Variants in ASB18 observed in about 807,000 individuals in gnomAD.
ASB18 encodes ankyrin repeat and SOCS box containing 18, also known as ankyrin repeat and SOCS box protein 18.
Under a neutral mutation model 33.4 loss-of-function variants are expected in ASB18, and 33 were observed. That is an observed-to-expected ratio of 0.99 (90% CI 0.75 to 1.32). The LOEUF (loss-of-function observed/expected upper bound fraction) is 1.32, where lower values mean the gene tolerates loss of function less well. Among genes scored for constraint, ASB18 ranks in the 40% most tolerant of loss-of-function variants. ASB18 has a pLI of 0.00. For missense variants in ASB18, 694 were observed against 655.5 expected (o/e 1.06, Z -0.64); for synonymous variants, 295 against 307.6 (o/e 0.96, Z 0.43).
In ASB18 at chr2:236,205,923, T is replaced by A. The variant is rs2106265227; in HGVS notation, c.1101+8439A>T. ...ATGAATAGCCTGTTTTCTGCTTAAA[T>A]ACTTTGCCAGATTTTTCCATGTCTT... is the stretch of plus-strand genomic sequence containing the variant. On this transcript the variant is annotated intron_variant, in intron 4 of 5. Transcript: ENST00000409749. This position sits in a 1 kb window ranked among gnomAD's most constrained non-coding sequence, Gnocchi z 5.4. 6.6e-6 allele frequency among the ~76,000 whole-genome samples: 1 copy of A among 152,342 alleles called. No individual in the cohort carries two copies. Among genetic ancestry groups the A allele is most frequent in the East Asian group, 1.9e-4 (1 of 5,186 alleles).
chr2:236,196,436 TCA>T lies in ASB18; in HGVS notation c.1102-53_1102-52del. ...GCGTAGGCCGACTGGGTTCTGGGTC[TCA>T]GTGGGGAAAGGGTGGGGGGTGTGGG... is the stretch of plus-strand genomic sequence containing the variant. On this transcript the variant is annotated intron_variant, in intron 4 of 5. Coordinates refer to ENST00000409749, the MANE Select transcript of ASB18 (RefSeq NM_212556.4). The surrounding 1 kb of genome is among the most constrained non-coding windows in gnomAD (Gnocchi z 5.6). 1 of 949,132 alleles carries T rather than the reference TCA, an allele frequency of 1.1e-6. No individual in the cohort carries two copies. The highest frequency in any genetic ancestry group is 1.7e-6 in the Non-Finnish European group (1 of 602,210). The allele number at this position is 949,132 out of a possible 1,614,324, so 58.8% of individuals were successfully genotyped here.
rs1430402617 is a variant in ASB18 at position 236,195,123 on chromosome 2, C to T, written c.1216-66G>A. ...GAACCAACATACGTTTTCTTCTTAG[C>T]CAGACCACTGATGGTACAAGCGGGC... On this transcript the variant is annotated intron_variant, in intron 5 of 5. Coordinates refer to ENST00000409749, the MANE Select transcript of ASB18 (RefSeq NM_212556.4). This position sits in a 1 kb window ranked among gnomAD's most constrained non-coding sequence, Gnocchi z 5.5. 3.5e-6 allele frequency: 5 copies of T among 1,443,006 alleles called. No individual in the cohort carries two copies. The African/African-American group carries it at 4.2e-5, about 12-fold the overall frequency. The allele number at this position is 1,443,006 out of a possible 1,614,324, so 89.4% of individuals were successfully genotyped here. A position where few individuals can be genotyped will look rare whatever the true frequency, so the allele number is the denominator to read the frequency against.
chr2:236,261,183 G>A (rs1439539971), intron 1 of ASB18, among the ~76,000 whole-genome samples: 1 of 152,118 alleles, frequency 6.6e-6, no homozygotes, highest in Non-Finnish European at 1.5e-5. Context: ...TGAAAATGAG[G>A]AAATTAAGGT....
Position 236,217,743 on chromosome 2 carries a change from G to T in ASB18, c.597-2877C>A, listed in dbSNP as rs918050737. ...TTTGGATTGTCTCGTTTCTACATCA[G>T]CAGTGTCTTGAGAAGTGGTCTGTCT... On this transcript the variant is annotated intron_variant, in intron 3 of 5. Coordinates refer to ENST00000409749, the MANE Select transcript of ASB18 (RefSeq NM_212556.4). The surrounding 1 kb of genome is among the most constrained non-coding windows in gnomAD (Gnocchi z 5.2). Among the ~76,000 whole-genome samples the T allele has an allele frequency of 1.3e-5, 2 of 152,176 alleles. No homozygotes were observed. The highest frequency in any genetic ancestry group is 2.9e-5 in the Non-Finnish European group (2 of 68,044).
chr2:236,243,836 C>G (rs1019803124), intron 1 of ASB18, among the ~76,000 whole-genome samples: 1 of 151,602 alleles, frequency 6.6e-6, no homozygotes, highest in African/African-American at 2.4e-5. Flanking sequence ...CAATTCCTTC[C>G]TTTTTTTTGA....
chr2:236,253,717 G>A lies in ASB18; in HGVS notation c.205+10424C>T, dbSNP rs2060679254. 1 of 151,948 alleles carries A rather than the reference G, an allele frequency of 6.6e-6. No homozygotes were observed. The highest frequency in any genetic ancestry group is 6.6e-5 in the Admixed American group (1 of 15,242). The allele number at this position is 151,948 out of a possible 1,614,324, so 9.4% of individuals were successfully genotyped here. ...TCTCTTTCAAAATACAATGAAATTA[G>A]TTACCGGCAAAAATAAAACCGAAAA... On this transcript the variant is annotated intron_variant, in intron 1 of 5. Coordinates refer to ENST00000409749, the MANE Select transcript of ASB18 (RefSeq NM_212556.4). The surrounding 1 kb of genome is among the most constrained non-coding windows in gnomAD (Gnocchi z 5.4).
At chr2:236,247,599 G>T in intron 1 of ASB18, 1 of 152,198 alleles carries the variant, frequency 6.6e-6, no homozygotes, top group East Asian at 1.9e-4. Flanking sequence ...AGCTTGCTTG[G>T]GTCAAGTCAT....
chr2:236,215,043 AT>A lies in ASB18; in HGVS notation c.597-178del, dbSNP rs2060481732. ...TGGAAAAAAAAAAAAAAAAAAAGAG[AT>A]TATGGCAAAACCAGCTCCTGAGTGG... On this transcript the variant is annotated intron_variant, in intron 3 of 5. Coordinates refer to ENST00000409749, the MANE Select transcript of ASB18 (RefSeq NM_212556.4). The surrounding 1 kb of genome is among the most constrained non-coding windows in gnomAD (Gnocchi z 7.2). Among the ~76,000 whole-genome samples, 1 of 149,936 alleles carries A rather than the reference AT, an allele frequency of 6.7e-6. No homozygotes were observed.
In ASB18 at chr2:236,237,379, CG is replaced by C. The variant is rs1400126941; in HGVS notation, c.596+309del. 6.1e-3 allele frequency among the ~76,000 whole-genome samples: 352 copies of C among 58,078 alleles called. 16 individuals carry two copies. The highest frequency in any genetic ancestry group is 0.042 in the African/African-American group (291 of 6,934). 38.1% of individuals were successfully genotyped at this position (58,078 alleles called of 152,430 possible). A position where few individuals can be genotyped will look rare whatever the true frequency, so the allele number is the denominator to read the frequency against. On this transcript the variant is annotated intron_variant, in intron 3 of 5. Coordinates refer to ENST00000409749, the MANE Select transcript of ASB18 (RefSeq NM_212556.4). The surrounding 1 kb of genome is among the most constrained non-coding windows in gnomAD (Gnocchi z 6.2). The stretch of plus-strand genomic sequence containing the variant: ...CGCGGGGCGGGGGCCGGGGCCGGGG[CG>C]CGGGGCGGGGGCCGGGGCCGGGGCG...
Position 236,262,885 on chromosome 2 carries a change from G to GC in ASB18, c.205+1255_205+1256insG, listed in dbSNP as rs368543624. On this transcript the variant is annotated intron_variant, in intron 1 of 5. Coordinates refer to ENST00000409749, the MANE Select transcript of ASB18 (RefSeq NM_212556.4). This position sits in a 1 kb window ranked among gnomAD's most constrained non-coding sequence, Gnocchi z 5.2. Reference sequence around the variant, plus strand: ...GCCCAGAAAGTAGACCCAAACCAAGGGGGGGGGGCGGACCCCCTCGGAAGT... The same window carrying GC: ...GCCCAGAAAGTAGACCCAAACCAAGGCGGGGGGGGCGGACCCCCTCGGAAGT... 4.2e-5 allele frequency among the ~76,000 whole-genome samples: 2 copies of GC among 47,916 alleles called. No individual in the cohort carries two copies. The highest frequency in any genetic ancestry group is 1.4e-4 in the African/African-American group (2 of 14,112). 31.4% of individuals were successfully genotyped at this position (47,916 alleles called of 152,430 possible). A position where few individuals can be genotyped will look rare whatever the true frequency, so the allele number is the denominator to read the frequency against.
rs1407619417 is a variant in ASB18, at chr2:236,259,636, C to T, written c.205+4505G>A. The T allele has an allele frequency of 2.1e-6, 1 of 468,850 alleles. No homozygotes were observed. Among genetic ancestry groups the T allele is most frequent in the Non-Finnish European group, 4.4e-6 (1 of 225,806 alleles). The allele number at this position is 468,850 out of a possible 1,614,324, so 29.0% of individuals were successfully genotyped here. ...AGGTGCAGCCCTGGCTGGGAGGATC[C>T]TGTTGGGATGGGGATGCTGACTGTA... On this transcript the variant is annotated intron_variant, in intron 1 of 5. Transcript: ENST00000409749. This position sits in a 1 kb window ranked among gnomAD's most constrained non-coding sequence, Gnocchi z 4.4.
In ASB18 at chr2:236,225,457, A is replaced by G. The variant is rs981808079; in HGVS notation, c.597-10591T>C. Among the ~76,000 whole-genome samples, 3 of 152,256 alleles carry G rather than the reference A, an allele frequency of 2.0e-5. No individual in the cohort carries two copies. The highest frequency in any genetic ancestry group is 2.1e-4 in the South Asian group (1 of 4,834). ...TGAATTAACACACCTGGGACAAAAAAGTAAACTTGCATGCTTTTCATTAAT... is the reference window on the plus strand; with the variant it reads ...TGAATTAACACACCTGGGACAAAAAGGTAAACTTGCATGCTTTTCATTAAT... On this transcript the variant is annotated intron_variant, in intron 3 of 5. Transcript: ENST00000409749. This position sits in a 1 kb window ranked among gnomAD's most constrained non-coding sequence, Gnocchi z 5.1.
rs998275311 is a variant in ASB18, at chr2:236,257,995, G to T, written c.205+6146C>A. ...TGCCAATTCCTCCTTCTTTGCCTCC[G>T]TGTAGGACCAGTTTCAGTTTGAACA... On this transcript the variant is annotated intron_variant, in intron 1 of 5. Coordinates refer to ENST00000409749, the MANE Select transcript of ASB18 (RefSeq NM_212556.4). The surrounding 1 kb of genome is among the most constrained non-coding windows in gnomAD (Gnocchi z 5.5). 2.0e-5 allele frequency among the ~76,000 whole-genome samples: 3 copies of T among 152,206 alleles called. No individual in the cohort carries two copies. The highest frequency in any genetic ancestry group is 2.0e-4 in the Admixed American group (3 of 15,286).
intron 3 of ASB18, among the ~76,000 whole-genome samples, chr2:236,230,085 A>T (rs2060557604): frequency 6.6e-6 from 1 of 152,094 alleles, no homozygotes; most frequent in South Asian, 2.1e-4. Flanking sequence ...GGGCCATTAA[A>T]ACAGTTGTTA....
Position 236,214,486 on chromosome 2 carries a change from C to T in ASB18, c.977G>A (p.Gly326Glu). 1 of 1,511,562 alleles carries T rather than the reference C, an allele frequency of 6.6e-7. No individual in the cohort carries two copies. Among genetic ancestry groups the T allele is most frequent in the Non-Finnish European group, 8.8e-7 (1 of 1,137,802 alleles). 93.6% of individuals were successfully genotyped at this position (1,511,562 alleles called of 1,614,324 possible). A position where few individuals can be genotyped will look rare whatever the true frequency, so the allele number is the denominator to read the frequency against. ...GADAGALDYG[G>E]ASPLGRVLQT... ...GAGCACGCGGCCCAGCGGCGAGGCCCCGCCATAGTCGAGCGCGCCCGCGTC... is the reference window on the plus strand; with the variant it reads ...GAGCACGCGGCCCAGCGGCGAGGCCTCGCCATAGTCGAGCGCGCCCGCGTC... The change falls in exon 4 of 6, where the codon GGG becomes GAG. Residue 326 changes from glycine to glutamate, a missense_variant. Gly to Glu is a moderately conservative substitution (Grantham distance 98, BLOSUM62 -2). Transcript: ENST00000409749. The surrounding 1 kb of genome is among the most constrained non-coding windows in gnomAD (Gnocchi z 6.5).
Position 236,237,277 on chromosome 2 carries a change from T to C in ASB18, c.596+412A>G, listed in dbSNP as rs2060596617. On this transcript the variant is annotated intron_variant, in intron 3 of 5. Transcript: ENST00000409749. This position sits in a 1 kb window ranked among gnomAD's most constrained non-coding sequence, Gnocchi z 6.2. ...GGCGGCTGGGCTGTGATCACCGCGC[T>C]CATTACCTCGGCGTGGCGCCTCCCG... Among the ~76,000 whole-genome samples the C allele has an allele frequency of 6.6e-6, 1 of 151,828 alleles. No individual in the cohort carries two copies. Among genetic ancestry groups the C allele is most frequent in the East Asian group, 1.9e-4 (1 of 5,170 alleles).
chr2:236,199,129 A>G (rs2060387230), intron 4 of ASB18, among the ~76,000 whole-genome samples: 1 of 152,194 alleles, frequency 6.6e-6, no homozygotes, highest in Admixed American at 6.5e-5. Context: ...AAGATTTTCC[A>G]GGTCGGAAGT....
chr2:236,202,814 T>TATATATATAAACACACAC (rs1472095135), intron 4 of ASB18, among the ~76,000 whole-genome samples: 1 of 126,576 alleles, frequency 7.9e-6, no homozygotes, highest in Non-Finnish European at 1.6e-5. Flanking sequence ...TATATATATA[T>TATATATATAAACACACAC]ACACACACCT....
At position 236,249,004 on chromosome 2, in the gene ASB18, T is replaced by C. The variant is rs138125834; in HGVS notation, c.206-7602A>G. The C allele has an allele frequency of 4.7e-4, 72 of 152,334 alleles. No homozygotes were observed. The highest frequency in any genetic ancestry group is 3.4e-3 in the Middle Eastern group (1 of 294). The allele number at this position is 152,334 out of a possible 1,614,324, so 9.4% of individuals were successfully genotyped here. On this transcript the variant is annotated intron_variant, in intron 1 of 5. Coordinates refer to ENST00000409749, the MANE Select transcript of ASB18 (RefSeq NM_212556.4). This position sits in a 1 kb window ranked among gnomAD's most constrained non-coding sequence, Gnocchi z 4.6. Reference sequence around the variant, plus strand: ...AAGTTTCTTTCTCTTGTTTTTAAGTTAAGAGGTTGTTGGTTGTTTTGATGC... The same window carrying C: ...AAGTTTCTTTCTCTTGTTTTTAAGTCAAGAGGTTGTTGGTTGTTTTGATGC...
Sources: gnomAD v4.1 joint callset for allele counts (sites outside exome capture counted in the v4.1 genomes callset) on GRCh38, gnomAD v4.1.1 for gene constraint, Gnocchi (gnomAD v3.1) non-coding constraint, MANE v1.5 for transcripts, NCBI Gene and HGNC (gene_info 2026-07-23, HGNC 2026-07-21) for gene names.